Variants in UGT1A1 observed in about 807,000 individuals in gnomAD.
The protein encoded by UGT1A1 is UDP glucuronosyltransferase family 1 member A1, also known as UDP-glucuronosyltransferase 1A1.
Under a neutral mutation model 40.6 loss-of-function variants are expected in UGT1A1, and 33 were observed. The observed-to-expected ratio is 0.81, with a 90% CI of 0.62 to 1.09. The LOEUF (loss-of-function observed/expected upper bound fraction) is 1.09, where lower values mean the gene tolerates loss of function less well. UGT1A1 is among the 50% of genes least tolerant of loss of function. The probability of loss-of-function intolerance (pLI) is 0.00; values close to 1 mark genes in which losing one functional copy is unlikely to be tolerated. For missense variants in UGT1A1, 694 were observed against 671.2 expected, an observed-to-expected ratio of 1.03 and a Z score of -0.38; for synonymous variants, 249 against 265.0, an observed-to-expected ratio of 0.94 and a Z score of 0.59.
Position 233,768,305 on chromosome 2 carries a change from G to A in UGT1A1, c.1170G>A (p.Met390Ile), listed in dbSNP as rs1559415443. The A allele has an allele frequency of 1.2e-6, 2 of 1,614,084 alleles. No homozygotes were observed. Among genetic ancestry groups the A allele is most frequent in the Admixed American group, 1.7e-5 (1 of 59,988 alleles). ...TATGCAATGGCGTTCCCATGGTGAT[G>A]ATGCCCTTGTTTGGTGATCAGATGG... is the stretch of plus-strand genomic sequence containing the variant. ...ESICNGVPMV[M>I]MPLFGDQMDN... The change falls in exon 4 of 5, where the codon ATG becomes ATA. Residue 390 changes from methionine to isoleucine, a missense_variant. By Grantham distance (10) the Met-to-Ile change is conservative. Transcript: ENST00000305208.
intron 1 of UGT1A1, among the ~76,000 whole-genome samples, chr2:233,766,144 C>T (rs2126022792): frequency 6.6e-6 from 1 of 152,268 alleles, no homozygotes; most frequent in South Asian, 2.1e-4. Flanking sequence ...TCGAATCCCA[C>T]CTGGGCTTGG....
Position 233,772,250 on chromosome 2 carries a change from CT to C in UGT1A1, c.1305-9del, listed in dbSNP as rs1325171114. 1.9e-6 allele frequency: 3 copies of C among 1,614,110 alleles called. No homozygotes were observed. Reference sequence around the variant, plus strand: ...GGTGTTCCAGGCATAACGAAACTGTCTTTGTGTTTAGTTACAAGGAGAACAT... The same window carrying C: ...GGTGTTCCAGGCATAACGAAACTGTCTTGTGTTTAGTTACAAGGAGAACAT... On this transcript the variant is annotated splice_polypyrimidine_tract_variant and intron_variant, in intron 4 of 4. Coordinates refer to ENST00000305208, the MANE Select transcript of UGT1A1 (RefSeq NM_000463.3).
At position 233,761,044 on chromosome 2, in the gene UGT1A1, G is replaced by A; in HGVS notation, c.757G>A (p.Val253Ile). The A allele has an allele frequency of 1.9e-6, 3 of 1,614,190 alleles. No homozygotes were observed. Among genetic ancestry groups the A allele is most frequent in the Non-Finnish European group, 2.5e-6 (3 of 1,180,038 alleles). ...TVQDLLSSASVWLFRSDFVKD... is the reference protein window; with the variant it reads ...TVQDLLSSASIWLFRSDFVKD... ...CCAGGACCTATTGAGCTCTGCATCT[G>A]TCTGGCTGTTTAGAAGTGACTTTGT... Residue 253 changes from valine to isoleucine, a missense_variant, in exon 1 of 5, where the codon GTC (valine) becomes ATC (isoleucine). Physicochemically the swap from Val to Ile is conservative, Grantham distance 29 (BLOSUM62 3). Coordinates refer to ENST00000305208, the MANE Select transcript of UGT1A1 (RefSeq NM_000463.3).
chr2:233,768,302 G>A lies in UGT1A1; in HGVS notation c.1167G>A (p.Val389=). The change falls in exon 4 of 5, where the codon GTG becomes GTA. Residue 389 remains valine, a synonymous_variant. Coordinates refer to ENST00000305208, the MANE Select transcript of UGT1A1 (RefSeq NM_000463.3). Reference sequence around the variant, plus strand: ...GCATATGCAATGGCGTTCCCATGGTGATGATGCCCTTGTTTGGTGATCAGA... The same window carrying A: ...GCATATGCAATGGCGTTCCCATGGTAATGATGCCCTTGTTTGGTGATCAGA... ...YESICNGVPM[V]MMPLFGDQMD... is the part of the protein sequence containing the mutation. 1 of 1,614,228 alleles carries A rather than the reference G, an allele frequency of 6.2e-7. No homozygotes were observed. Among genetic ancestry groups the A allele is most frequent in the Non-Finnish European group, 8.5e-7 (1 of 1,180,048 alleles).
At chr2:233,764,552 G>A (rs1387908555) in intron 1 of UGT1A1, among the ~76,000 whole-genome samples, 1 of 152,132 alleles carries the variant, frequency 6.6e-6, no homozygotes, top group East Asian at 1.9e-4. Flanking sequence ...CGTGTGGGAG[G>A]GTGTGCCTGG....
chr2:233,761,218 C>T (rs1697719268), intron 1 of UGT1A1, 67 bp downstream of exon 1: 4 of 1,613,576 alleles, frequency 2.5e-6, no homozygotes, highest in Middle Eastern at 1.6e-4. Flanking sequence ...GATCGATTAA[C>T]TAGCCCCAGA....
chr2:233,769,458 C>G lies in UGT1A1; in HGVS notation c.1304+1019C>G, dbSNP rs896047328. On this transcript the variant is annotated intron_variant, in intron 4 of 4. Coordinates refer to ENST00000305208, the MANE Select transcript of UGT1A1 (RefSeq NM_000463.3). This position sits in a 1 kb window ranked among gnomAD's most constrained non-coding sequence, Gnocchi z 4.4. ...ATGTGTGGGTGCACACGTGTGCATTCATATGCGTGTGTGTGTGTGTGCGTG... is the reference window on the plus strand; with the variant it reads ...ATGTGTGGGTGCACACGTGTGCATTGATATGCGTGTGTGTGTGTGTGCGTG... The G allele has an allele frequency of 2.5e-6, 4 of 1,593,602 alleles. No individual in the cohort carries two copies. The African/African-American group carries it at 4.0e-5, about 16-fold the overall frequency.
chr2:233,762,588 C>T lies in UGT1A1; in HGVS notation c.864+1437C>T, dbSNP rs557401720. On this transcript the variant is annotated intron_variant, in intron 1 of 4. Coordinates refer to ENST00000305208, the MANE Select transcript of UGT1A1 (RefSeq NM_000463.3). ...TCTAGTTCCCCACAGAGGAACATTA[C>T]AATTTGTATTCCAGGAGTTTTGTTG... is the stretch of plus-strand genomic sequence containing the variant. Among the ~76,000 whole-genome samples, 47 of 152,302 alleles carry T rather than the reference C, an allele frequency of 3.1e-4. No individual in the cohort carries two copies. In the Middle Eastern group the frequency reaches 0.014, roughly 44 times the overall value.
Position 233,772,649 on chromosome 2 carries a change from C to A in UGT1A1, c.*90C>A, listed in dbSNP as rs1644667767. The A allele has an allele frequency of 3.2e-6, 5 of 1,548,118 alleles. No individual in the cohort carries two copies. In the Admixed American group the frequency reaches 5.9e-5, roughly 18 times the overall value. On this transcript the variant is annotated 3_prime_UTR_variant, in exon 5 of 5. Coordinates refer to ENST00000305208, the MANE Select transcript of UGT1A1 (RefSeq NM_000463.3). Reference sequence around the variant, plus strand: ...GAATCAGTGTTAAATTCATTTTATTCTTATTAAGGAAATACTTTGCATAAA... The same window carrying A: ...GAATCAGTGTTAAATTCATTTTATTATTATTAAGGAAATACTTTGCATAAA...
chr2:233,768,682 G>A (rs375377866), intron 4 of UGT1A1, among the ~76,000 whole-genome samples: 30 of 141,324 alleles, frequency 2.1e-4, no homozygotes, highest in South Asian at 1.6e-3. Flanking sequence ...CACCTCCCAC[G>A]TTCAAGCAGT....
In UGT1A1 at chr2:233,769,728, G is replaced by A. The variant is rs1027354407; in HGVS notation, c.1304+1289G>A. The stretch of plus-strand genomic sequence containing the variant: ...ATGTTGGCTAGGCACCATGGCACAC[G>A]CCTGTAGTCCCAGCCACTCTGGAGG... On this transcript the variant is annotated intron_variant, in intron 4 of 4. Coordinates refer to ENST00000305208, the MANE Select transcript of UGT1A1 (RefSeq NM_000463.3). This position sits in a 1 kb window ranked among gnomAD's most constrained non-coding sequence, Gnocchi z 4.4. The A allele has an allele frequency of 4.6e-5, 67 of 1,472,430 alleles. No homozygotes were observed. The highest frequency in any genetic ancestry group is 5.8e-5 in the Non-Finnish European group (64 of 1,110,636). 91.2% of individuals were successfully genotyped at this position (1,472,430 alleles called of 1,614,324 possible). A position where few individuals can be genotyped will look rare whatever the true frequency, so the allele number is the denominator to read the frequency against.
rs1042640 is a variant in UGT1A1 at position 233,772,898 on chromosome 2, G to T, written c.*339G>T. 1 of 456,718 alleles carries T rather than the reference G, an allele frequency of 2.2e-6. No individual in the cohort carries two copies. The highest frequency in any genetic ancestry group is 5.9e-5 in the East Asian group (1 of 16,920). The allele number at this position is 456,718 out of a possible 1,614,324, so 28.3% of individuals were successfully genotyped here. Reference sequence around the variant, plus strand: ...GTGCGGGATTCAAAGGTGGTCCCACGGCTGCCCCTACTGCAAATGGCAGTT... The same window carrying T: ...GTGCGGGATTCAAAGGTGGTCCCACTGCTGCCCCTACTGCAAATGGCAGTT... On this transcript the variant is annotated 3_prime_UTR_variant, in exon 5 of 5. Coordinates refer to ENST00000305208, the MANE Select transcript of UGT1A1 (RefSeq NM_000463.3).
Position 233,768,353 on chromosome 2 carries a change from T to C in UGT1A1, c.1218T>C (p.Thr406=). The change falls in exon 4 of 5, where the codon ACT becomes ACC. Residue 406 remains threonine, a synonymous_variant. Coordinates refer to ENST00000305208, the MANE Select transcript of UGT1A1 (RefSeq NM_000463.3). ...TGGACAATGCAAAGCGCATGGAGAC[T>C]AAGGGAGCTGGAGTGACCCTGAATG... is the stretch of plus-strand genomic sequence containing the variant. ...DQMDNAKRME[T]KGAGVTLNVL... is the part of the protein sequence containing the mutation. 6.2e-7 allele frequency: 1 copy of C among 1,614,150 alleles called. No individual in the cohort carries two copies. The highest frequency in any genetic ancestry group is 1.1e-5 in the South Asian group (1 of 91,082).
chr2:233,772,141 A>C, intron 4 of UGT1A1, 121 bp from the exon 5 acceptor site: 1 of 1,549,926 alleles, frequency 6.5e-7, no homozygotes, highest in Non-Finnish European at 8.7e-7. Context: ...CAATAATAGA[A>C]ACAGGTTTCC....
At position 233,767,018 on chromosome 2, in the gene UGT1A1, T is replaced by G. The variant is rs1699309557; in HGVS notation, c.865-16T>G. ...TATGAGAAAAAATTAACTGAAAATT[T>G]TTCTTCTGGCTCTAGGAATTTGAAG... On this transcript the variant is annotated splice_polypyrimidine_tract_variant and intron_variant, in intron 1 of 4. Coordinates refer to ENST00000305208, the MANE Select transcript of UGT1A1 (RefSeq NM_000463.3). 1 of 1,613,912 alleles carries G rather than the reference T, an allele frequency of 6.2e-7. No individual in the cohort carries two copies. Among genetic ancestry groups the G allele is most frequent in the East Asian group, 2.2e-5 (1 of 44,862 alleles).
Position 233,769,638 on chromosome 2 carries a change from A to C in UGT1A1, c.1304+1199A>C. 1 of 1,610,122 alleles carries C rather than the reference A, an allele frequency of 6.2e-7. No homozygotes were observed. On this transcript the variant is annotated intron_variant, in intron 4 of 4. Transcript: ENST00000305208. This position sits in a 1 kb window ranked among gnomAD's most constrained non-coding sequence, Gnocchi z 4.4. ...CTTGAGCAAGGGACAACAGGGGAGGACTGATGACTGACTTCCCACCTTTGA... is the reference window on the plus strand; with the variant it reads ...CTTGAGCAAGGGACAACAGGGGAGGCCTGATGACTGACTTCCCACCTTTGA...
intron 4 of UGT1A1, 92 bp downstream of exon 4, chr2:233,768,531 G>T: frequency 5.4e-6 from 8 of 1,481,574 alleles, no homozygotes; most frequent in South Asian, 4.1e-5. Context: ...ATTTAATAGC[G>T]TTGTTTCAAA....
At chr2:233,765,952 G>A (rs898895578) in intron 1 of UGT1A1, among the ~76,000 whole-genome samples, 1 of 152,064 alleles carries the variant, frequency 6.6e-6, no homozygotes, top group Non-Finnish European at 1.5e-5. Context: ...TGACCTCACC[G>A]GCAGTGTCTA....
rs1005188679 is a variant in UGT1A1, at chr2:233,769,324, T to C, written c.1304+885T>C. 3.9e-5 allele frequency among the ~76,000 whole-genome samples: 6 copies of C among 152,244 alleles called. No individual in the cohort carries two copies. Among genetic ancestry groups the C allele is most frequent in the African/African-American group, 1.4e-4 (6 of 41,472 alleles). On this transcript the variant is annotated intron_variant, in intron 4 of 4. Coordinates refer to ENST00000305208, the MANE Select transcript of UGT1A1 (RefSeq NM_000463.3). This position sits in a 1 kb window ranked among gnomAD's most constrained non-coding sequence, Gnocchi z 4.4. ...ATATTACTGTCAAGCTCACTGGTAA[T>C]AGGCTTATTAGAACCTTATGGGAAG...
Sources: allele counts gnomAD v4.1 joint callset (sites outside exome capture counted in the v4.1 genomes callset), GRCh38; gene constraint gnomAD v4.1.1; non-coding constraint Gnocchi (gnomAD v3.1); transcripts MANE v1.5; gene names NCBI Gene and HGNC (gene_info 2026-07-23, HGNC 2026-07-21).